TBC1D2: variants seen among roughly 807,000 people sequenced by gnomAD.
TBC1D2 encodes TBC1 domain family member 2.
Under a neutral mutation model 91.1 loss-of-function variants are expected in TBC1D2, and 58 were observed. That is an observed-to-expected ratio of 0.64 (90% CI 0.52 to 0.79). The LOEUF (loss-of-function observed/expected upper bound fraction) is 0.79, where lower values mean the gene tolerates loss of function less well. Ranked by LOEUF, TBC1D2 falls within the 30% of genes least tolerant of loss-of-function variation. TBC1D2 has a pLI of 0.00. For synonymous variants in TBC1D2, 482 were observed against 511.5 expected (o/e 0.94, Z 0.78); for missense variants, 1,080 against 1,208.3 (o/e 0.89, Z 1.57).
At chr9:98,210,948 C>G in intron 7 of TBC1D2, 105 bp from the exon 8 acceptor site, 2 of 1,048,688 alleles carry the variant, frequency 1.9e-6, no homozygotes, top group East Asian at 2.7e-5. Flanking sequence ...CAGCTCTCAT[C>G]TGCCCCACTC....
At position 98,221,176 on chromosome 9, in the gene TBC1D2, C is replaced by A. The variant is rs747256172; in HGVS notation, c.1031G>T (p.Arg344Leu). ...CGCCGCCAGGTATGCGCTGGACGCC[C>A]GCTTCTCCTGCTGGGCGGCCTCCAG... ...KALEAAQQEK[R>L]ASSAYLAAAE... The change falls in exon 6 of 13, where the codon CGG becomes CTG. Residue 344 changes from arginine (R) to leucine (L), a missense_variant. Coordinates refer to ENST00000465784, the MANE Select transcript of TBC1D2 (RefSeq NM_001267571.2). The A allele has an allele frequency of 2.6e-6, 4 of 1,560,796 alleles. No homozygotes were observed. Among genetic ancestry groups the A allele is most frequent in the Non-Finnish European group, 3.5e-6 (4 of 1,152,456 alleles).
chr9:98,219,991 C>G (rs1407225490), intron 6 of TBC1D2, among the ~76,000 whole-genome samples: 2 of 152,144 alleles, frequency 1.3e-5, no homozygotes, highest in Non-Finnish European at 2.9e-5. Flanking sequence ...TCACGGCAGG[C>G]AACACACTTC....
intron 4 of TBC1D2, among the ~76,000 whole-genome samples, chr9:98,230,413 C>T (rs4743188): frequency 0.44 from 66,645 of 152,068 alleles, 17,421 homozygotes; most frequent in African/African-American, 0.74. Context: ...TACTCATTTG[C>T]AGGAGTATGC....
intron 2 of TBC1D2, among the ~76,000 whole-genome samples, chr9:98,247,414 G>A (rs2131290874): frequency 6.6e-6 from 1 of 151,018 alleles, no homozygotes; most frequent in African/African-American, 2.4e-5. Flanking sequence ...CAGAGTTAAT[G>A]TATACAAAAA....
At chr9:98,211,323 C>T (rs1448991152) in intron 7 of TBC1D2, among the ~76,000 whole-genome samples, 2 of 152,160 alleles carry the variant, frequency 1.3e-5, no homozygotes, top group Non-Finnish European at 2.9e-5. Context: ...GACTGAACAG[C>T]GCCCAGGGGA....
chr9:98,229,006 C>T lies in TBC1D2; in HGVS notation c.924G>A (p.Val308=). 6.2e-7 allele frequency: 1 copy of T among 1,614,192 alleles called. No individual in the cohort carries two copies. The highest frequency in any genetic ancestry group is 8.5e-7 in the Non-Finnish European group (1 of 1,180,034). Residue 308 remains valine, a synonymous_variant, in exon 5 of 13, where the codon GTG becomes GTA. Transcript: ENST00000465784. ...ITRNRTAQEK[V]AALEQQVLML... ...TCAGAACCTGTTGCTCCAAGGCTGC[C>T]ACTTTCTCCTGGGCAGTTCGGTTCC...
intron 6 of TBC1D2, among the ~76,000 whole-genome samples, chr9:98,215,600 T>A (rs1260281402): frequency 6.6e-6 from 1 of 152,162 alleles, no homozygotes; most frequent in East Asian, 1.9e-4. Flanking sequence ...CTCGACCTCC[T>A]GGACTCAAGC....
rs1316015257 is a variant in TBC1D2 at position 98,208,955 on chromosome 9, T to G, written c.1863A>C (p.Leu621=). Reference sequence around the variant, plus strand: ...GTTCACGGGGTACTCCTGCCCGCAGTAGCTGCTTGAGCTCGGCTGAGGGCA... The same window carrying G: ...GTTCACGGGGTACTCCTGCCCGCAGGAGCTGCTTGAGCTCGGCTGAGGGCA... ...DLVPSAELKQ[L]LRAGVPREHR... Residue 621 remains leucine, a synonymous_variant, in exon 9 of 13, where the codon CTA becomes CTC. Transcript: ENST00000465784. 1 of 1,613,988 alleles carries G rather than the reference T, an allele frequency of 6.2e-7. No individual in the cohort carries two copies. Among genetic ancestry groups the G allele is most frequent in the Non-Finnish European group, 8.5e-7 (1 of 1,180,022 alleles).
chr9:98,199,532 C>T lies in TBC1D2; in HGVS notation c.2636G>A (p.Arg879Gln), dbSNP rs747433624. The change falls in exon 13 of 13, where the codon CGG becomes CAG. Residue 879 changes from arginine (R) to glutamine (Q), a missense_variant. By Grantham distance (43) the Arg-to-Gln change is conservative (BLOSUM62 1). Transcript: ENST00000465784. ...DMNPFRMKQL[R>Q]QLRMVHRERL... ...CTCCCGGTGGACCATGCGCAGCTGC[C>T]GCAGCTGTTTCATGCGGAAGGGGTT... 55 of 1,614,158 alleles carry T rather than the reference C, an allele frequency of 3.4e-5. No individual in the cohort carries two copies. The highest frequency in any genetic ancestry group is 4.2e-5 in the Non-Finnish European group (49 of 1,180,042).
Position 98,208,996 on chromosome 9 carries a change from C to A in TBC1D2, c.1822G>T (p.Ala608Ser), listed in dbSNP as rs141423205. ...VDRPLRERWA[A>S]LGDLVPSAEL... ...GCTGAGGGCACAAGATCGCCCAGGGCAGCCCAGCGCTCCCTCAGCGGCCGA... is the reference window on the plus strand; with the variant it reads ...GCTGAGGGCACAAGATCGCCCAGGGAAGCCCAGCGCTCCCTCAGCGGCCGA... Residue 608 changes from alanine (A) to serine (S), a missense_variant, in exon 9 of 13, where the codon GCC becomes TCC. Transcript: ENST00000465784. 1.8e-5 allele frequency: 29 copies of A among 1,614,000 alleles called. No individual in the cohort carries two copies. The African/African-American group carries it at 3.6e-4, about 20-fold the overall frequency.
In TBC1D2 at chr9:98,220,823, A is replaced by T; in HGVS notation, c.1374+10T>A. The T allele has an allele frequency of 1.2e-6, 2 of 1,609,474 alleles. No individual in the cohort carries two copies. Among genetic ancestry groups the T allele is most frequent in the Non-Finnish European group, 1.7e-6 (2 of 1,177,812 alleles). ...GGCAGGACTGGCAGGCCCTGAGGGGAGGCCCCTACCTTCAGGTGCTCTATC... is the reference window on the plus strand; with the variant it reads ...GGCAGGACTGGCAGGCCCTGAGGGGTGGCCCCTACCTTCAGGTGCTCTATC... On this transcript the variant is annotated intron_variant, in intron 6 of 12. Coordinates refer to ENST00000465784, the MANE Select transcript of TBC1D2 (RefSeq NM_001267571.2).
At chr9:98,210,599 G>A in intron 8 of TBC1D2, 57 bp downstream of exon 8, 1 of 1,467,004 alleles carries the variant, frequency 6.8e-7, no homozygotes, top group Non-Finnish European at 9.1e-7. Flanking sequence ...CAGCAAGGCA[G>A]CTGGGGAGGA....
chr9:98,229,269 G>C (rs924169814), intron 4 of TBC1D2, 121 bp from the exon 5 acceptor site: 4 of 894,356 alleles, frequency 4.5e-6, no homozygotes, highest in Non-Finnish European at 6.8e-6. Flanking sequence ...CCTAATTTCG[G>C]AGCTCTGGAT....
chr9:98,255,035 G>C, intron 1 of TBC1D2, 138 bp downstream of exon 1: 7 of 1,419,066 alleles, frequency 4.9e-6, no homozygotes, highest in Non-Finnish European at 6.6e-6. Context: ...AATGCACTTT[G>C]CAAAGCACAA....
chr9:98,247,895 CT>C (rs1357497768), intron 2 of TBC1D2, among the ~76,000 whole-genome samples: 2 of 152,114 alleles, frequency 1.3e-5, no homozygotes, highest in Non-Finnish European at 2.9e-5. Flanking sequence ...ACCAAAAAAA[CT>C]TAACAGTTTC....
At chr9:98,199,656 A>T in intron 12 of TBC1D2, 68 bp from the exon 13 acceptor site, 2 of 1,537,024 alleles carry the variant, frequency 1.3e-6, no homozygotes, top group East Asian at 4.5e-5. Flanking sequence ...CGGCTCTCCC[A>T]GACAGACATC....
At chr9:98,223,647 T>C (rs1829152457) in intron 5 of TBC1D2, among the ~76,000 whole-genome samples, 1 of 146,234 alleles carries the variant, frequency 6.8e-6, no homozygotes, top group Admixed American at 6.9e-5. Context: ...GGGGAGTTAG[T>C]TGACTCTGAA....
chr9:98,250,055 G>A (rs576153151), intron 2 of TBC1D2, among the ~76,000 whole-genome samples: 14 of 152,282 alleles, frequency 9.2e-5, no homozygotes, highest in African/African-American at 3.4e-4. Context: ...GGTCTCCCTT[G>A]AAGTGTTTGA....
chr9:98,220,802 G>C, intron 6 of TBC1D2, 31 bp downstream of exon 6: 1 of 1,607,242 alleles, frequency 6.2e-7, no homozygotes, highest in Non-Finnish European at 8.5e-7. Flanking sequence ...AGGACCGGCA[G>C]GACTGGCAGG....
Sources: allele counts gnomAD v4.1 joint callset (sites outside exome capture counted in the v4.1 genomes callset), GRCh38; gene constraint gnomAD v4.1.1; transcripts MANE v1.5; gene names NCBI Gene and HGNC (gene_info 2026-07-23, HGNC 2026-07-21).